The following MYO1D variants were observed in gnomAD, a reference collection of about 807,000 sequenced individuals.
MYO1D encodes unconventional myosin-Id.
In MYO1D, 83 loss-of-function variants were observed where a neutral mutation model predicts 122.0. That is an observed-to-expected ratio of 0.68 (90% CI 0.57 to 0.82). The LOEUF (loss-of-function observed/expected upper bound fraction) is 0.82, where lower values mean the gene tolerates loss of function less well. Among genes scored for constraint, MYO1D ranks in the 40% least tolerant of loss-of-function variants. MYO1D has a pLI of 0.00. For missense variants in MYO1D, 1,157 were observed against 1,269.5 expected, an observed-to-expected ratio of 0.91 and a Z score of 1.35; for synonymous variants, 464 against 446.9, an observed-to-expected ratio of 1.04 and a Z score of -0.48.
chr17:32,510,600 G>A (rs1909660748), intron 21 of MYO1D: 1 of 152,212 alleles, frequency 6.6e-6, no homozygotes, highest in Admixed American at 6.5e-5. Context: ...GGAGACTCCT[G>A]GTTTCCGTTT....
intron 8 of MYO1D, among the ~76,000 whole-genome samples, chr17:32,762,885 A>C (rs1482578321): frequency 3.2e-4 from 48 of 149,966 alleles, no homozygotes; most frequent in Non-Finnish European, 5.9e-4. Context: ...AAAAAAAGAA[A>C]AAAAAAAAAA....
At chr17:32,654,424 C>CTT in intron 18 of MYO1D, 53 bp downstream of exon 18, 1 of 1,530,696 alleles carries the variant, frequency 6.5e-7, no homozygotes, top group South Asian at 1.2e-5. Flanking sequence ...ATGTACTTCT[C>CTT]TTTTTTAGTA....
chr17:32,550,174 A>C (rs1384686328), intron 21 of MYO1D, among the ~76,000 whole-genome samples: 1 of 149,880 alleles, frequency 6.7e-6, no homozygotes, highest in Non-Finnish European at 1.5e-5. Context: ...ATCTCAGCTC[A>C]CTGCAACCCC....
In MYO1D at chr17:32,833,530, C is replaced by T. The variant is rs1001571773; in HGVS notation, c.95+43248G>A. 6.6e-5 allele frequency among the ~76,000 whole-genome samples: 10 copies of T among 152,044 alleles called. No homozygotes were observed. The East Asian group carries it at 1.4e-3, about 21-fold the overall frequency. On this transcript the variant is annotated intron_variant, in intron 1 of 21. Transcript: ENST00000318217. The stretch of plus-strand genomic sequence containing the variant: ...AGTAATTCCGTTAACATGTAAGTCA[C>T]ATCATGCCATTCCTCTGCTCAAACT...
intron 1 of MYO1D, among the ~76,000 whole-genome samples, chr17:32,841,409 G>A (rs2090880159): frequency 6.6e-6 from 1 of 151,902 alleles, no homozygotes; most frequent in Admixed American, 6.6e-5. Flanking sequence ...CAAGACTGCA[G>A]TGAGCTATGG....
At chr17:32,625,766 G>A (rs1171135738) in intron 20 of MYO1D, among the ~76,000 whole-genome samples, 1 of 152,090 alleles carries the variant, frequency 6.6e-6, no homozygotes, top group Non-Finnish European at 1.5e-5. Context: ...CCTGAGTGCA[G>A]GTGATCTGCC....
chr17:32,504,009 G>T (rs977452083), intron 21 of MYO1D, among the ~76,000 whole-genome samples: 2 of 152,242 alleles, frequency 1.3e-5, no homozygotes, highest in East Asian at 3.8e-4. Flanking sequence ...AGGAGTGGTG[G>T]CGTGGTGCTT....
At chr17:32,607,875 C>T (rs777910132) in intron 20 of MYO1D, among the ~76,000 whole-genome samples, 2 of 151,942 alleles carry the variant, frequency 1.3e-5, no homozygotes, top group Non-Finnish European at 2.9e-5. Flanking sequence ...GGTGCAAAGA[C>T]AGCTCAATGA....
chr17:32,667,324 G>T (rs2088650547), intron 16 of MYO1D, among the ~76,000 whole-genome samples: 1 of 152,132 alleles, frequency 6.6e-6, no homozygotes, highest in Admixed American at 6.5e-5. Flanking sequence ...GGGACAAAAT[G>T]AATAAAGACT....
intron 11 of MYO1D, 39 bp downstream of exon 11, chr17:32,755,453 T>A (rs752277274): frequency 1.9e-6 from 3 of 1,593,404 alleles, no homozygotes; most frequent in Non-Finnish European, 2.6e-6. Flanking sequence ...AAGGAGAACC[T>A]CACAGATAAA....
intron 15 of MYO1D, among the ~76,000 whole-genome samples, chr17:32,717,762 T>G (rs543839737): frequency 2.6e-5 from 4 of 152,358 alleles, no homozygotes; most frequent in Admixed American, 2.6e-4. Flanking sequence ...AGTTTGTCTT[T>G]TTTTCTTGGG....
chr17:32,672,194 G>T (rs1199941322), intron 16 of MYO1D, among the ~76,000 whole-genome samples: 2 of 152,168 alleles, frequency 1.3e-5, no homozygotes, highest in Non-Finnish European at 2.9e-5. Context: ...TACAAAGGAG[G>T]ATGTTAAGGT....
intron 21 of MYO1D, among the ~76,000 whole-genome samples, chr17:32,590,375 G>C (rs2087428832): frequency 6.6e-6 from 1 of 152,208 alleles, no homozygotes; most frequent in African/African-American, 2.4e-5. Context: ...GGGATCTCCT[G>C]ACTCTGGTAG....
At chr17:32,541,968 T>C (rs183347380) in intron 21 of MYO1D, among the ~76,000 whole-genome samples, 97 of 152,256 alleles carry the variant, frequency 6.4e-4, no homozygotes, top group African/African-American at 2.3e-3. Flanking sequence ...TCCTCTCTTC[T>C]TCCTCCTCCG....
intron 1 of MYO1D, among the ~76,000 whole-genome samples, chr17:32,831,237 G>T (rs940344650): frequency 6.6e-6 from 1 of 152,116 alleles, no homozygotes; most frequent in East Asian, 1.9e-4. Flanking sequence ...AAATTCTGCC[G>T]AGAAAGAGAA....
intron 8 of MYO1D, among the ~76,000 whole-genome samples, chr17:32,762,538 C>T (rs2090011888): frequency 6.6e-6 from 1 of 152,076 alleles, no homozygotes; most frequent in Admixed American, 6.5e-5. Context: ...TTACTCTAGC[C>T]CCCATAACAT....
intron 1 of MYO1D, among the ~76,000 whole-genome samples, chr17:32,783,878 C>T (rs1327056882): frequency 6.6e-6 from 1 of 152,138 alleles, no homozygotes; most frequent in Non-Finnish European, 1.5e-5. Flanking sequence ...TACAAGAGAC[C>T]AAGGAAGGTG....
intron 21 of MYO1D, among the ~76,000 whole-genome samples, chr17:32,598,901 A>T (rs1054670430): frequency 3.3e-5 from 5 of 152,254 alleles, no homozygotes; most frequent in African/African-American, 1.2e-4. Context: ...AGAACAAAAA[A>T]TGCTAAAAAT....
At chr17:32,537,209 G>A (rs572876835) in intron 21 of MYO1D, among the ~76,000 whole-genome samples, 8 of 152,276 alleles carry the variant, frequency 5.3e-5, no homozygotes, top group African/African-American at 1.4e-4. Flanking sequence ...CTTCCAAATT[G>A]AAATATTCAT....
Sources: allele counts gnomAD v4.1 joint callset (sites outside exome capture counted in the v4.1 genomes callset), GRCh38; gene constraint gnomAD v4.1.1; transcripts MANE v1.5; gene names NCBI Gene and HGNC (gene_info 2026-07-23, HGNC 2026-07-21).